The following SLC4A10 variants were observed in gnomAD, a reference collection of about 807,000 sequenced individuals.
SLC4A10 encodes the protein sodium-driven chloride bicarbonate exchanger.
SLC4A10 carries 42 observed loss-of-function variants against 137.7 expected under a neutral mutation model. The ratio of observed to expected loss-of-function variants is 0.30; its 90% CI spans 0.24 to 0.39. The LOEUF is 0.39. Ranked by LOEUF, SLC4A10 falls within the 10% of genes least tolerant of loss-of-function variation. The pLI is 1.00. For synonymous variants in SLC4A10, 474 were observed against 464.1 expected, an observed-to-expected ratio of 1.02 and a Z score of -0.27; for missense variants, 925 against 1,355.0, an observed-to-expected ratio of 0.68 and a Z score of 4.98.
intron 1 of SLC4A10, among the ~76,000 whole-genome samples, chr2:161,713,495 A>G (rs909826964): frequency 6.6e-6 from 1 of 151,752 alleles, no homozygotes; most frequent in African/African-American, 2.4e-5. Flanking sequence ...CAAGCACTCA[A>G]AAGTCCTAGA....
At position 161,859,594 on chromosome 2, in the gene SLC4A10, C is replaced by CTTTTCTTTTTTTTTT. The variant is rs2060300861; in HGVS notation, c.578-3276_578-3275insCTTTTTTTTTTTTTT. ...TCCTTTTTTTCTTTTCTTTTCTTTT[C>CTTTTCTTTTTTTTTT]TTTTTTTTTTTTTTTTTTTTTTTTG... is the stretch of plus-strand genomic sequence containing the variant. On this transcript the variant is annotated intron_variant, in intron 5 of 26. Coordinates refer to ENST00000446997, the MANE Select transcript of SLC4A10 (RefSeq NM_001178015.2). Among the ~76,000 whole-genome samples, 8 of 47,280 alleles carry CTTTTCTTTTTTTTTT rather than the reference C, an allele frequency of 1.7e-4. No individual in the cohort carries two copies. In the South Asian group the frequency reaches 2.9e-3, roughly 17 times the overall value. 31.0% of individuals were successfully genotyped at this position (47,280 alleles called of 152,430 possible).
intron 1 of SLC4A10, among the ~76,000 whole-genome samples, chr2:161,700,360 T>A (rs1336176275): frequency 6.6e-6 from 1 of 152,168 alleles, no homozygotes. Flanking sequence ...CAGTAATTTC[T>A]TTGTCCCAGG....
At chr2:161,804,620 A>T (rs752200214) in intron 3 of SLC4A10, 25 bp downstream of exon 3, 1 of 1,572,572 alleles carries the variant, frequency 6.4e-7, no homozygotes, top group Non-Finnish European at 8.6e-7. Flanking sequence ...CCTTGTTTTT[A>T]TTAAGTTAAT....
chr2:161,953,109 G>A (rs1300643841), intron 19 of SLC4A10, among the ~76,000 whole-genome samples: 2 of 152,086 alleles, frequency 1.3e-5, no homozygotes, highest in Non-Finnish European at 1.5e-5. Flanking sequence ...ATTGTTTAAT[G>A]AATCATGTTT....
At chr2:161,760,667 C>T (rs898373491) in intron 1 of SLC4A10, among the ~76,000 whole-genome samples, 3 of 152,056 alleles carry the variant, frequency 2.0e-5, no homozygotes, top group Non-Finnish European at 4.4e-5. Context: ...GCTCAAGTGT[C>T]TCTTTCAGTG....
At chr2:161,659,169 G>T (rs1267648603) in intron 1 of SLC4A10, among the ~76,000 whole-genome samples, 2 of 152,100 alleles carry the variant, frequency 1.3e-5, no homozygotes, top group African/African-American at 4.8e-5. Flanking sequence ...TCCATCTTTG[G>T]TTGACTGGAT....
chr2:161,624,477 A>G lies in SLC4A10; in HGVS notation c.-42A>G. On this transcript the variant is annotated 5_prime_UTR_variant, in exon 1 of 27. Transcript: ENST00000446997. Reference sequence around the variant, plus strand: ...CCGGGCTGAGTGTAAGACACTGAAGACACTGCAGAGCAAGGTGCTTATTCC... The same window carrying G: ...CCGGGCTGAGTGTAAGACACTGAAGGCACTGCAGAGCAAGGTGCTTATTCC... 1 of 1,551,550 alleles carries G rather than the reference A, an allele frequency of 6.4e-7. No individual in the cohort carries two copies. The highest frequency in any genetic ancestry group is 1.2e-5 in the South Asian group (1 of 84,052).
intron 15 of SLC4A10, among the ~76,000 whole-genome samples, chr2:161,918,188 C>A (rs1211869878): frequency 6.6e-6 from 1 of 152,086 alleles, no homozygotes; most frequent in Non-Finnish European, 1.5e-5. Context: ...CAGAGTCTCT[C>A]TCTGTCACCC....
intron 10 of SLC4A10, among the ~76,000 whole-genome samples, chr2:161,893,400 A>C (rs1301966812): frequency 6.6e-6 from 1 of 152,194 alleles, no homozygotes; most frequent in East Asian, 1.9e-4. Flanking sequence ...ACTGCAAATC[A>C]AAAATATTTG....
chr2:161,918,803 G>A (rs1575636379), intron 15 of SLC4A10, among the ~76,000 whole-genome samples: 1 of 152,210 alleles, frequency 6.6e-6, no homozygotes, highest in South Asian at 2.1e-4. Context: ...GATGCCAGCT[G>A]CAGTAGGGGA....
chr2:161,685,557 G>A (rs1402247072), intron 1 of SLC4A10, among the ~76,000 whole-genome samples: 3 of 151,736 alleles, frequency 2.0e-5, no homozygotes, highest in South Asian at 2.1e-4. Flanking sequence ...GTAGTGAGCC[G>A]AAATCGTGCC....
At chr2:161,947,148 T>C (rs1036879412) in intron 16 of SLC4A10, among the ~76,000 whole-genome samples, 4 of 152,106 alleles carry the variant, frequency 2.6e-5, no homozygotes, top group African/African-American at 9.7e-5. Context: ...AGCATGAACA[T>C]ATTTTATGGT....
chr2:161,656,181 C>G (rs1339502437), intron 1 of SLC4A10, among the ~76,000 whole-genome samples: 2 of 152,024 alleles, frequency 1.3e-5, no homozygotes, highest in Non-Finnish European at 2.9e-5. Flanking sequence ...TCAATATTCA[C>G]AAATCAATAA....
chr2:161,807,332 G>A (rs1325608558), intron 3 of SLC4A10, among the ~76,000 whole-genome samples: 2 of 152,094 alleles, frequency 1.3e-5, no homozygotes, highest in Non-Finnish European at 2.9e-5. Context: ...TTTCGTAGTT[G>A]TTAAAAGGTT....
At chr2:161,910,975 C>T (rs750045919) in intron 15 of SLC4A10, among the ~76,000 whole-genome samples, 2 of 151,566 alleles carry the variant, frequency 1.3e-5, no homozygotes, top group Non-Finnish European at 3.0e-5. Flanking sequence ...AATAAACATA[C>T]ATTAAGTATC....
In SLC4A10 at chr2:161,820,593, A is replaced by T. The variant is rs901781816; in HGVS notation, c.277+15998A>T. Among the ~76,000 whole-genome samples the T allele has an allele frequency of 1.3e-5, 2 of 152,210 alleles. 1 individual carries two copies. The highest frequency in any genetic ancestry group is 6.3e-3 in the Middle Eastern group (2 of 316). On this transcript the variant is annotated intron_variant, in intron 3 of 26. Transcript: ENST00000446997. Reference sequence around the variant, plus strand: ...AATTGCTCAGTGTTCTGTTTATGGAATTCACCAATGTTTTTGATGTAGCTT... The same window carrying T: ...AATTGCTCAGTGTTCTGTTTATGGATTTCACCAATGTTTTTGATGTAGCTT...
intron 1 of SLC4A10, among the ~76,000 whole-genome samples, chr2:161,742,185 C>T (rs1041253996): frequency 6.6e-6 from 1 of 152,150 alleles, no homozygotes; most frequent in African/African-American, 2.4e-5. Context: ...AATAGTTCTC[C>T]ATTGTGTATA....
chr2:161,741,868 A>G (rs2047931579), intron 1 of SLC4A10, among the ~76,000 whole-genome samples: 1 of 152,148 alleles, frequency 6.6e-6, no homozygotes. Context: ...ACAACAAATT[A>G]TTGCTGACTG....
intron 2 of SLC4A10, among the ~76,000 whole-genome samples, chr2:161,792,686 C>A (rs906334749): frequency 4.6e-5 from 7 of 152,048 alleles, no homozygotes; most frequent in African/African-American, 7.2e-5. Flanking sequence ...GTGTAGCTAC[C>A]AATTAGGACA....
Sources: allele counts gnomAD v4.1 joint callset (sites outside exome capture counted in the v4.1 genomes callset), GRCh38; gene constraint gnomAD v4.1.1; transcripts MANE v1.5; gene names NCBI Gene and HGNC (gene_info 2026-07-23, HGNC 2026-07-21).